NAV2: variants seen among roughly 807,000 people sequenced by gnomAD.
NAV2 encodes helicase, APC down-regulated 1.
NAV2 carries 54 observed loss-of-function variants against 223.2 expected under a neutral mutation model. The ratio of observed to expected loss-of-function variants is 0.24; its 90% CI spans 0.19 to 0.30. The LOEUF (loss-of-function observed/expected upper bound fraction) is 0.30, where lower values mean the gene tolerates loss of function less well. Ranked by LOEUF, NAV2 falls within the 10% of genes least tolerant of loss-of-function variation. The pLI, the probability that NAV2 is intolerant of heterozygous loss-of-function variation, is 1.00. For missense variants in NAV2, 2,806 were observed against 3,147.5 expected, an observed-to-expected ratio of 0.89 and a Z score of 2.60; for synonymous variants, 1,279 against 1,239.3, an observed-to-expected ratio of 1.03 and a Z score of -0.67.
intron 1 of NAV2, among the ~76,000 whole-genome samples, chr11:19,454,025 A>G (rs1590231647): frequency 6.6e-6 from 1 of 152,172 alleles, no homozygotes; most frequent in Admixed American, 6.5e-5. Context: ...TTGGACGTAG[A>G]TTCTGCTCAC....
intron 1 of NAV2, among the ~76,000 whole-genome samples, chr11:19,574,957 G>C (rs1446373279): frequency 6.6e-6 from 1 of 152,108 alleles, no homozygotes; most frequent in African/African-American, 2.4e-5. Context: ...AAATAGCACA[G>C]GTGAAGGCCC....
intron 1 of NAV2, among the ~76,000 whole-genome samples, chr11:19,374,269 C>T (rs148355329): frequency 6.8e-6 from 1 of 147,492 alleles, no homozygotes; most frequent in Admixed American, 6.8e-5. Flanking sequence ...ATCTAGGAAT[C>T]TGAATACTTG....
intron 1 of NAV2, among the ~76,000 whole-genome samples, chr11:19,448,108 A>T (rs1037944885): frequency 2.0e-5 from 3 of 152,112 alleles, no homozygotes; most frequent in African/African-American, 4.8e-5. Context: ...AACAGACTAT[A>T]ATAATTAGGG....
At chr11:19,682,351 T>C (rs1443261519) in intron 1 of NAV2, among the ~76,000 whole-genome samples, 1 of 152,202 alleles carries the variant, frequency 6.6e-6, no homozygotes, top group Non-Finnish European at 1.5e-5. Flanking sequence ...ACTTAACAGA[T>C]GAGGACACTG....
At chr11:19,662,822 G>A (rs2048322319) in intron 1 of NAV2, among the ~76,000 whole-genome samples, 1 of 152,192 alleles carries the variant, frequency 6.6e-6, no homozygotes, top group African/African-American at 2.4e-5. Context: ...ACTTTTCCTG[G>A]GCTGCACGCC....
chr11:19,730,833 T>C (rs547318779), intron 1 of NAV2, among the ~76,000 whole-genome samples: 1 of 152,284 alleles, frequency 6.6e-6, no homozygotes, highest in East Asian at 1.9e-4. Flanking sequence ...ATAACACCCC[T>C]TCCCCAATAG....
chr11:19,824,698 G>A (rs775044943), intron 1 of NAV2, among the ~76,000 whole-genome samples: 25 of 152,232 alleles, frequency 1.6e-4, no homozygotes, highest in South Asian at 8.3e-4. Context: ...AGCTAATTTC[G>A]GTTTCCTCAC....
chr11:19,829,138 T>C (rs1429721460), intron 1 of NAV2, among the ~76,000 whole-genome samples: 1 of 152,242 alleles, frequency 6.6e-6, no homozygotes, highest in African/African-American at 2.4e-5. Context: ...CCCACTCAGC[T>C]GTGCCCTTGT....
rs375524165 is a variant in NAV2 at position 19,933,777 on chromosome 11, G to A, written c.1533G>A (p.Thr511=). 33 of 1,614,048 alleles carry A rather than the reference G, an allele frequency of 2.0e-5. No individual in the cohort carries two copies. The highest frequency in any genetic ancestry group is 2.7e-5 in the African/African-American group (2 of 74,938). ...SKDLAKRASV[T]ERLDLKEEPK... is the part of the protein sequence containing the mutation. ...ACCTTGCCAAGAGAGCCTCTGTGAC[G>A]GAGAGGCTGGACCTCAAGGAGGAGC... The change falls in exon 7 of 38, where the codon ACG becomes ACA. Residue 511 remains threonine, a synonymous_variant. Coordinates refer to ENST00000349880, the MANE Select transcript of NAV2 (RefSeq NM_145117.5). This position sits in a 1 kb window ranked among gnomAD's most constrained non-coding sequence, Gnocchi z 4.3.
At chr11:19,497,446 C>A (rs2042831971) in intron 1 of NAV2, among the ~76,000 whole-genome samples, 1 of 152,184 alleles carries the variant, frequency 6.6e-6, no homozygotes, top group Non-Finnish European at 1.5e-5. Flanking sequence ...GTTAATTCCC[C>A]TGGTGAGTGG....
In NAV2 at chr11:19,363,324, T is replaced by A. The variant is rs575687218; in HGVS notation, c.75+12297T>A. Among the ~76,000 whole-genome samples, 9 of 152,364 alleles carry A rather than the reference T, an allele frequency of 5.9e-5. No individual in the cohort carries two copies. The South Asian group carries it at 1.7e-3, about 28-fold the overall frequency. The stretch of plus-strand genomic sequence containing the variant: ...AAGGACATGAACTCATCCTTTTTTA[T>A]GGCTGCATAGTATTCCATGGTGTAC... On this transcript the variant is annotated intron_variant, in intron 1 of 37. Transcript: ENST00000360655.
At chr11:19,472,677 T>C (rs1468232829) in intron 1 of NAV2, among the ~76,000 whole-genome samples, 2 of 152,152 alleles carry the variant, frequency 1.3e-5, no homozygotes. Flanking sequence ...CTAGCAGGCC[T>C]CAGGAAGTGT....
intron 1 of NAV2, among the ~76,000 whole-genome samples, chr11:19,691,160 C>G (rs572220569): frequency 3.0e-4 from 45 of 152,194 alleles, no homozygotes; most frequent in African/African-American, 1.1e-3. Flanking sequence ...AGGGATCACA[C>G]TTAGATAAAC....
Position 20,045,409 on chromosome 11 carries a change from T to C in NAV2, c.3641T>C (p.Ile1214Thr). The C allele has an allele frequency of 6.2e-7, 1 of 1,614,108 alleles. No homozygotes were observed. Among genetic ancestry groups the C allele is most frequent in the Non-Finnish European group, 8.5e-7 (1 of 1,180,016 alleles). ...GGGAACAGGTCTAGCACCAGCAGCA[T>C]AGATTCCAACATTAGCAGCAAGTCC... ...GAGNRSSTSS[I>T]DSNISSKSAG... The change falls in exon 14 of 38, where the codon ATA becomes ACA. Residue 1214 changes from isoleucine (I) to threonine (T), a missense_variant. Ile to Thr is a moderately conservative substitution (Grantham distance 89). Around this residue, in one of 4 missense-constraint regions of NAV2, gnomAD observed 742 missense variants for 777.9 expected, o/e 0.95. Coordinates refer to ENST00000349880, the MANE Select transcript of NAV2 (RefSeq NM_145117.5).
intron 1 of NAV2, among the ~76,000 whole-genome samples, chr11:19,572,382 C>T (rs1457734101): frequency 6.6e-6 from 1 of 152,166 alleles, no homozygotes; most frequent in Non-Finnish European, 1.5e-5. Context: ...GCTCAGCCAC[C>T]CTTCTCTGCA....
intron 1 of NAV2, among the ~76,000 whole-genome samples, chr11:19,354,574 A>G (rs1853506394): frequency 6.6e-6 from 1 of 152,242 alleles, no homozygotes; most frequent in African/African-American, 2.4e-5. Context: ...CATATTTATG[A>G]TTATTCTTGA....
intron 1 of NAV2, among the ~76,000 whole-genome samples, chr11:19,770,325 T>A (rs973470798): frequency 6.6e-6 from 1 of 151,638 alleles, no homozygotes; most frequent in Admixed American, 6.6e-5. Context: ...CTAAAATGAG[T>A]CTTTAAGGCA....
chr11:19,827,560 C>G (rs1197837456), intron 1 of NAV2, among the ~76,000 whole-genome samples: 1 of 152,164 alleles, frequency 6.6e-6, no homozygotes, highest in East Asian at 1.9e-4. Context: ...TGCCCAGGGC[C>G]AAGGGCCAGC....
At chr11:19,709,281 G>A (rs188324749), upstream of NAV2, among the ~76,000 whole-genome samples, 15 of 152,224 alleles carry the variant, frequency 9.9e-5, no homozygotes, top group Admixed American at 3.9e-4. Flanking sequence ...GGTGGCTCAC[G>A]CCTGTAATCC....
Sources: allele counts gnomAD v4.1 joint callset (sites outside exome capture counted in the v4.1 genomes callset), GRCh38; gene constraint gnomAD v4.1.1; regional missense constraint gnomAD v4.1.1; non-coding constraint Gnocchi (gnomAD v3.1); transcripts MANE v1.5; gene names NCBI Gene and HGNC (gene_info 2026-07-23, HGNC 2026-07-21).